CHD6: variants seen among roughly 807,000 people sequenced by gnomAD.
CHD6 encodes ATP-dependent chromatin remodeler CHD6.
A neutral mutation model predicts 276.9 loss-of-function variants in CHD6; 50 were observed. That is an observed-to-expected ratio of 0.18 (90% CI 0.14 to 0.23). The LOEUF (loss-of-function observed/expected upper bound fraction) is 0.23, where lower values mean the gene tolerates loss of function less well. CHD6 is among the 10% of genes least tolerant of loss of function. CHD6 has a pLI of 1.00. For synonymous variants in CHD6, 1,173 were observed against 1,229.3 expected (o/e 0.95, Z 0.96); for missense variants, 2,564 against 3,365.8 (o/e 0.76, Z 5.89).
At chr20:41,548,983 T>A (rs1294513032) in intron 2 of CHD6, among the ~76,000 whole-genome samples, 1 of 152,058 alleles carries the variant, frequency 6.6e-6, no homozygotes, top group Admixed American at 6.6e-5. Context: ...CATTAAAAAG[T>A]CAGGAAATAA....
At chr20:41,549,425 C>T (rs11908051) in intron 2 of CHD6, among the ~76,000 whole-genome samples, 50,501 of 138,452 alleles carry the variant, frequency 0.36, 11,292 homozygotes, top group African/African-American at 0.63. Flanking sequence ...TTCTCACTCA[C>T]AGGTGGGAAC....
At chr20:41,411,784 A>G (rs1466624414) in intron 36 of CHD6, among the ~76,000 whole-genome samples, 1 of 152,240 alleles carries the variant, frequency 6.6e-6, no homozygotes, top group African/African-American at 2.4e-5. Flanking sequence ...AAAAACCTAA[A>G]TTAGGAAATG....
chr20:41,557,491 G>A (rs1297192548), intron 1 of CHD6, among the ~76,000 whole-genome samples: 7 of 151,758 alleles, frequency 4.6e-5, no homozygotes, highest in Non-Finnish European at 1.0e-4. Flanking sequence ...AAGTTCCTCA[G>A]TGTTGTGTAA....
At chr20:41,596,872 C>A (rs143899321) in intron 1 of CHD6, among the ~76,000 whole-genome samples, 1 of 152,156 alleles carries the variant, frequency 6.6e-6, no homozygotes, top group East Asian at 1.9e-4. Flanking sequence ...ATGGAAAGAT[C>A]GGCCTATAGA....
At chr20:41,422,471 C>A (rs1436009098) in intron 30 of CHD6, among the ~76,000 whole-genome samples, 1 of 152,104 alleles carries the variant, frequency 6.6e-6, no homozygotes, top group East Asian at 1.9e-4. Flanking sequence ...AGACCCCACC[C>A]CCCATGTCTA....
chr20:41,428,443 A>G (rs977232325), intron 27 of CHD6, among the ~76,000 whole-genome samples: 2 of 152,208 alleles, frequency 1.3e-5, no homozygotes, highest in Admixed American at 6.5e-5. Flanking sequence ...ACTTGAAAGA[A>G]ATGTTCATCT....
intron 1 of CHD6, among the ~76,000 whole-genome samples, chr20:41,593,572 C>A (rs2045686571): frequency 6.6e-6 from 1 of 152,160 alleles, no homozygotes; most frequent in Non-Finnish European, 1.5e-5. Context: ...AAACCCAACT[C>A]TTAATATAAT....
Position 41,402,163 on chromosome 20 carries a change from G to T in CHD6, c.*2430C>A, listed in dbSNP as rs2046556243. 1 of 208,014 alleles carries T rather than the reference G, an allele frequency of 4.8e-6. No individual in the cohort carries two copies. 12.9% of individuals were successfully genotyped at this position (208,014 alleles called of 1,614,324 possible). On this transcript the variant is annotated 3_prime_UTR_variant, in exon 37 of 37. Coordinates refer to ENST00000373233, the MANE Select transcript of CHD6 (RefSeq NM_032221.5). ...TATGTAAGACATGGGGTGAAGAATG[G>T]TCAAGGAAAGTTATGGCCGTGAGTG... is the stretch of plus-strand genomic sequence containing the variant.
chr20:41,544,454 T>C (rs1322482542), intron 2 of CHD6, among the ~76,000 whole-genome samples: 2 of 152,134 alleles, frequency 1.3e-5, no homozygotes, highest in Non-Finnish European at 2.9e-5. Flanking sequence ...TATGACAGTG[T>C]TTTCTACATG....
chr20:41,493,158 G>GA (rs1171856125), intron 10 of CHD6, among the ~76,000 whole-genome samples: 1 of 151,922 alleles, frequency 6.6e-6, no homozygotes, highest in Admixed American at 6.6e-5. Flanking sequence ...GTGAAGAAGG[G>GA]AAAATCAAAG....
intron 29 of CHD6, 133 bp from the exon 30 acceptor site, chr20:41,423,833 T>C: frequency 1.5e-6 from 1 of 684,066 alleles, no homozygotes; most frequent in Non-Finnish European, 2.4e-6. Flanking sequence ...TCTTTTATTA[T>C]TTTTATTTAA....
rs1353910270 is a variant in CHD6 at position 41,431,717 on chromosome 20, AAAAG to A, written c.4068+5553_4068+5556del. The stretch of plus-strand genomic sequence containing the variant: ...CATAAGAAAACTCTGAAAGGTGAAA[AAAAG>A]AAAGGACAAACTAGAGACCTCAGGA... On this transcript the variant is annotated intron_variant, in intron 27 of 36. Transcript: ENST00000373233. 3.3e-5 allele frequency among the ~76,000 whole-genome samples: 5 copies of A among 151,924 alleles called. No individual in the cohort carries two copies. The East Asian group carries it at 9.7e-4, about 29-fold the overall frequency.
intron 1 of CHD6, among the ~76,000 whole-genome samples, chr20:41,586,669 G>A (rs1249258773): frequency 6.6e-6 from 1 of 152,168 alleles, no homozygotes; most frequent in Non-Finnish European, 1.5e-5. Flanking sequence ...GAATGCAAGA[G>A]TGAGTCAATC....
intron 16 of CHD6, among the ~76,000 whole-genome samples, chr20:41,475,911 C>A (rs1302234493): frequency 6.6e-6 from 1 of 152,144 alleles, no homozygotes; most frequent in East Asian, 1.9e-4. Context: ...TATAATGTAA[C>A]AACACTTTTA....
At chr20:41,552,029 A>G (rs2045155000) in intron 1 of CHD6, among the ~76,000 whole-genome samples, 1 of 152,166 alleles carries the variant, frequency 6.6e-6, no homozygotes, top group Non-Finnish European at 1.5e-5. Flanking sequence ...GAACACCATA[A>G]AAGCCCAGTA....
intron 2 of CHD6, among the ~76,000 whole-genome samples, chr20:41,550,458 G>A (rs886307477): frequency 2.6e-5 from 4 of 152,104 alleles, no homozygotes; most frequent in Non-Finnish European, 4.4e-5. Flanking sequence ...GACAGACCAG[G>A]GGGTAGTCCT....
chr20:41,529,809 C>A (rs2044636564), intron 3 of CHD6, among the ~76,000 whole-genome samples: 1 of 151,910 alleles, frequency 6.6e-6, no homozygotes, highest in Non-Finnish European at 1.5e-5. Flanking sequence ...GCAACAGGAG[C>A]AATCAGGGGA....
chr20:41,453,168 C>T (rs548389231), intron 20 of CHD6, among the ~76,000 whole-genome samples: 2 of 152,282 alleles, frequency 1.3e-5, no homozygotes, highest in South Asian at 4.1e-4. Flanking sequence ...CCCAGTGCTG[C>T]TTGTCACCAT....
At chr20:41,409,721 A>AGT (rs2046786989) in intron 36 of CHD6, among the ~76,000 whole-genome samples, 1 of 152,224 alleles carries the variant, frequency 6.6e-6, no homozygotes, top group Non-Finnish European at 1.5e-5. Context: ...AATATAGACT[A>AGT]GATAACAAGT....
Sources: gnomAD v4.1 joint callset for allele counts (sites outside exome capture counted in the v4.1 genomes callset) on GRCh38, gnomAD v4.1.1 for gene constraint, MANE v1.5 for transcripts, NCBI Gene and HGNC (gene_info 2026-07-23, HGNC 2026-07-21) for gene names.